The following ADGRF5 variants were observed in gnomAD, a reference collection of about 807,000 sequenced individuals.
ADGRF5 encodes the protein adhesion G protein-coupled receptor F5.
In ADGRF5, 75 loss-of-function variants were observed where a neutral mutation model predicts 132.3. That is an observed-to-expected ratio of 0.57 (90% CI 0.47 to 0.69). ADGRF5 has a LOEUF of 0.69. Ranked by LOEUF, ADGRF5 falls within the 30% of genes least tolerant of loss-of-function variation. The probability of loss-of-function intolerance (pLI) is 0.00; values close to 1 mark genes in which losing one functional copy is unlikely to be tolerated. For missense variants in ADGRF5, 1,516 were observed against 1,630.6 expected (o/e 0.93, Z 1.21); for synonymous variants, 629 against 597.6 (o/e 1.05, Z -0.77).
chr6:46,854,841 C>T, intron 20 of ADGRF5: 1 of 763,230 alleles, frequency 1.3e-6, no homozygotes, highest in Non-Finnish European at 2.0e-6. Context: ...CCAATTGGGA[C>T]TTTCATAATC....
chr6:46,859,004 C>T lies in ADGRF5; in HGVS notation c.2899G>A (p.Gly967Arg), dbSNP rs1769394948. The change falls in exon 17 of 21, where the codon GGG becomes AGG. Residue 967 changes from glycine (G) to arginine (R), a missense_variant. Coordinates refer to ENST00000283296, the MANE Select transcript of ADGRF5 (RefSeq NM_001098518.2). ...WNFRLANNTG[G>R]WDSSGCYVEE... is the part of the protein sequence containing the mutation. Reference sequence around the variant, plus strand: ...ACATAGCACCCACTGCTGTCCCACCCCCCTGTGTTGTTGGCAAGCCTGAAG... The same window carrying T: ...ACATAGCACCCACTGCTGTCCCACCTCCCTGTGTTGTTGGCAAGCCTGAAG... 6.2e-6 allele frequency: 10 copies of T among 1,614,162 alleles called. No homozygotes were observed. The highest frequency in any genetic ancestry group is 8.5e-6 in the Non-Finnish European group (10 of 1,180,018).
intron 3 of ADGRF5, 40 bp downstream of exon 3, chr6:46,899,989 T>A: frequency 6.9e-7 from 1 of 1,444,006 alleles, no homozygotes; most frequent in Non-Finnish European, 9.8e-7. Flanking sequence ...ACCATTTGAG[T>A]CAACTTATAA....
At chr6:46,923,965 G>A (rs536298013), upstream of ADGRF5, among the ~76,000 whole-genome samples, 2 of 152,270 alleles carry the variant, frequency 1.3e-5, no homozygotes, top group African/African-American at 4.8e-5. Flanking sequence ...CAAACGTAGA[G>A]AGAATAATTT....
intron 11 of ADGRF5, chr6:46,871,009 GATAT>G (rs2150810872): frequency 6.6e-6 from 1 of 151,926 alleles, no homozygotes; most frequent in African/African-American, 2.4e-5. Context: ...ATATATATTA[GATAT>G]ATAGATAGAT....
At chr6:46,884,383 A>G (rs1772829798) in intron 4 of ADGRF5, 112 bp from the exon 5 acceptor site, 4 of 816,162 alleles carry the variant, frequency 4.9e-6, no homozygotes, top group African/African-American at 1.7e-5. Context: ...CTGACTTTAT[A>G]TTACCTTTCT....
chr6:46,879,199 A>G (rs1314865825), intron 9 of ADGRF5, among the ~76,000 whole-genome samples: 3 of 151,322 alleles, frequency 2.0e-5, no homozygotes, highest in Non-Finnish European at 2.9e-5. Flanking sequence ...ATACTAAAAC[A>G]AAATAATGAA....
At chr6:46,889,203 AT>A (rs1186291075) in intron 3 of ADGRF5, among the ~76,000 whole-genome samples, 54 of 147,350 alleles carry the variant, frequency 3.7e-4, no homozygotes, top group African/African-American at 9.1e-4. Flanking sequence ...ATATATATAT[AT>A]AAAATATATA....
chr6:46,876,522 T>C (rs1771675431), intron 10 of ADGRF5, among the ~76,000 whole-genome samples: 1 of 152,234 alleles, frequency 6.6e-6, no homozygotes, highest in African/African-American at 2.4e-5. Flanking sequence ...TGAGTACTTA[T>C]GTCTAATACA....
In ADGRF5 at chr6:46,877,759, G is replaced by C. The variant is rs188243667; in HGVS notation, c.1240+443C>G. ...GATAGAAAATATTGAGGTATGCATA[G>C]ATACAAAGGCAGAGAAGTGAGAAGG... On this transcript the variant is annotated intron_variant, in intron 10 of 20. Coordinates refer to ENST00000283296, the MANE Select transcript of ADGRF5 (RefSeq NM_001098518.2). Among the ~76,000 whole-genome samples the C allele has an allele frequency of 3.1e-4, 47 of 152,214 alleles. No homozygotes were observed. The Middle Eastern group carries it at 0.017, about 55-fold the overall frequency.
upstream of ADGRF5, among the ~76,000 whole-genome samples, chr6:46,924,382 G>A (rs7740585): frequency 0.01 from 1,572 of 152,290 alleles, 22 homozygotes; most frequent in African/African-American, 0.034. Context: ...TGCCCAGCTC[G>A]TATTACAGTG....
intron 3 of ADGRF5, among the ~76,000 whole-genome samples, chr6:46,889,365 T>TAC (rs1258169103): frequency 6.8e-6 from 1 of 147,462 alleles, no homozygotes; most frequent in Non-Finnish European, 1.5e-5. Flanking sequence ...GTAGTCCATA[T>TAC]ACAGTCTATG....
rs764751473 is a variant in ADGRF5 at position 46,867,156 on chromosome 6, A to C, written c.1622-19T>G. The C allele has an allele frequency of 3.3e-5, 43 of 1,306,736 alleles. No individual in the cohort carries two copies. The highest frequency in any genetic ancestry group is 4.5e-5 in the Non-Finnish European group (42 of 937,740). 80.9% of individuals were successfully genotyped at this position (1,306,736 alleles called of 1,614,324 possible). On this transcript the variant is annotated intron_variant, in intron 12 of 20. Coordinates refer to ENST00000283296, the MANE Select transcript of ADGRF5 (RefSeq NM_001098518.2). ...TAGGTTCCTGAGTAGAAGACGGCAAAAATGAGATGGAATGGAAATAATCGC... is the reference window on the plus strand; with the variant it reads ...TAGGTTCCTGAGTAGAAGACGGCAACAATGAGATGGAATGGAAATAATCGC...
intron 10 of ADGRF5, among the ~76,000 whole-genome samples, chr6:46,875,554 G>A (rs1771559530): frequency 6.6e-6 from 1 of 152,110 alleles, no homozygotes; most frequent in Non-Finnish European, 1.5e-5. Context: ...GGAGGCCAAG[G>A]TGGGTGGAGG....
At position 46,858,331 on chromosome 6, in the gene ADGRF5, A is replaced by G. The variant is rs765420944; in HGVS notation, c.3572T>C (p.Ile1191Thr). Reference protein sequence around the residue: ...IIVVVNITITIVVITKILRPS... With the variant: ...IIVVVNITITTVVITKILRPS... ...CCTCAGGATCTTGGTGATGACCACA[A>G]TAGTGATGGTTATGTTCACCACCAC... Residue 1191 changes from isoleucine to threonine, a missense_variant, in exon 17 of 21, where the codon ATT (isoleucine) becomes ACT (threonine). Physicochemically the swap from Ile to Thr is moderately conservative, Grantham distance 89. Transcript: ENST00000283296. 2.5e-6 allele frequency: 4 copies of G among 1,613,870 alleles called. No homozygotes were observed. Among genetic ancestry groups the G allele is most frequent in the African/African-American group, 2.7e-5 (2 of 74,864 alleles).
intron 1 of ADGRF5, among the ~76,000 whole-genome samples, chr6:46,949,950 TA>T (rs1413579802): frequency 3.9e-5 from 6 of 152,210 alleles, no homozygotes; most frequent in African/African-American, 1.4e-4. Flanking sequence ...ACTAAGACCC[TA>T]TTTTAAACTT....
chr6:46,865,300 G>A (rs1026331738), intron 13 of ADGRF5, 103 bp from the exon 14 acceptor site: 14 of 768,016 alleles, frequency 1.8e-5, no homozygotes, highest in East Asian at 1.6e-4. Flanking sequence ...AAGCTTTCCC[G>A]AGGAATGTGC....
intron 4 of ADGRF5, 63 bp downstream of exon 4, chr6:46,888,272 G>A: frequency 8.5e-7 from 1 of 1,179,550 alleles, no homozygotes; most frequent in Non-Finnish European, 1.3e-6. Flanking sequence ...ATACTCAGGA[G>A]CTCAGACAGT....
At chr6:46,915,288 T>TTAA (rs76660188) in intron 1 of ADGRF5, among the ~76,000 whole-genome samples, 6,439 of 149,572 alleles carry the variant, frequency 0.043, 153 homozygotes, top group South Asian at 0.085. Context: ...CTTGACTATT[T>TTAA]TAATAATAAT....
At chr6:46,942,003 A>G (rs1234715378) in intron 1 of ADGRF5, among the ~76,000 whole-genome samples, 1 of 152,136 alleles carries the variant, frequency 6.6e-6, no homozygotes, top group Non-Finnish European at 1.5e-5. Flanking sequence ...AGTCAAGCTA[A>G]TTACTCCTTT....
Sources: allele counts gnomAD v4.1 joint callset (sites outside exome capture counted in the v4.1 genomes callset), GRCh38; gene constraint gnomAD v4.1.1; transcripts MANE v1.5; gene names NCBI Gene and HGNC (gene_info 2026-07-23, HGNC 2026-07-21).